SEC61B: variants seen among roughly 807,000 people sequenced by gnomAD.
The protein encoded by SEC61B is SEC61 translocon subunit beta.
Under a neutral mutation model 12.6 loss-of-function variants are expected in SEC61B, and 7 were observed. The observed-to-expected ratio is 0.55, with a 90% CI of 0.32 to 1.04. The LOEUF (loss-of-function observed/expected upper bound fraction) is 1.04. Among genes scored for constraint, SEC61B ranks in the 50% least tolerant of loss-of-function variants. The pLI is 0.05. For missense variants in SEC61B, 107 were observed against 130.1 expected, an observed-to-expected ratio of 0.82 and a Z score of 0.86; for synonymous variants, 54 against 50.1, an observed-to-expected ratio of 1.08 and a Z score of -0.33.
chr9:99,226,920 C>A (rs905396404), intron 2 of SEC61B, among the ~76,000 whole-genome samples: 1 of 151,988 alleles, frequency 6.6e-6, no homozygotes, highest in Non-Finnish European at 1.5e-5. Flanking sequence ...GTGTTCCCTG[C>A]GTTTTTTTTA....
rs756514195 is a variant in SEC61B at position 99,222,324 on chromosome 9, T to C, written c.-40T>C. On this transcript the variant is annotated 5_prime_UTR_variant, in exon 1 of 4. Coordinates refer to ENST00000223641, the MANE Select transcript of SEC61B (RefSeq NM_006808.3). ...GTCTTTCGGGGGCTCCGTAACTTTC[T>C]ATCCGTCCGCGTCAGCGCCTTGCCA... 6 of 1,614,024 alleles carry C rather than the reference T, an allele frequency of 3.7e-6. No individual in the cohort carries two copies. Among genetic ancestry groups the C allele is most frequent in the Non-Finnish European group, 3.4e-6 (4 of 1,180,020 alleles).
chr9:99,226,962 A>G (rs1588623034), intron 2 of SEC61B, among the ~76,000 whole-genome samples: 2 of 152,080 alleles, frequency 1.3e-5, no homozygotes, highest in South Asian at 2.1e-4. Flanking sequence ...ATCTGTGATC[A>G]CTATATTAAA....
At chr9:99,229,529 C>T (rs183873490) in intron 3 of SEC61B, among the ~76,000 whole-genome samples, 15 of 152,118 alleles carry the variant, frequency 9.9e-5, no homozygotes, top group African/African-American at 2.9e-4. Context: ...GTTTTTTGTA[C>T]AAGCAGAATC....
chr9:99,225,509 AC>A (rs1359318010), intron 2 of SEC61B, among the ~76,000 whole-genome samples: 1 of 152,202 alleles, frequency 6.6e-6, no homozygotes, highest in Non-Finnish European at 1.5e-5. Flanking sequence ...CAACAGAAGC[AC>A]CATGTTAGAA....
chr9:99,226,367 G>A (rs927582673), intron 2 of SEC61B, among the ~76,000 whole-genome samples: 5 of 152,240 alleles, frequency 3.3e-5, no homozygotes, highest in Non-Finnish European at 7.3e-5. Context: ...AAGGAGGCAT[G>A]AGGACCAGAA....
chr9:99,226,451 T>C (rs1828896701), intron 2 of SEC61B, among the ~76,000 whole-genome samples: 1 of 152,172 alleles, frequency 6.6e-6, no homozygotes, highest in Non-Finnish European at 1.5e-5. Flanking sequence ...GCCCTTCCCT[T>C]TTTCAAAAAT....
intron 1 of SEC61B, 33 bp from the exon 2 acceptor site, chr9:99,222,513 C>T (rs775640391): frequency 1.2e-6 from 2 of 1,601,962 alleles, no homozygotes; most frequent in South Asian, 1.1e-5. Flanking sequence ...GCCTGCCGCG[C>T]TCACCCGTCT....
intron 1 of SEC61B, 58 bp from the exon 2 acceptor site, chr9:99,222,488 G>A: frequency 6.2e-7 from 1 of 1,602,346 alleles, no homozygotes; most frequent in Non-Finnish European, 8.5e-7. Flanking sequence ...TGTCTAGGCC[G>A]GGGTTCTGGG....
At chr9:99,223,875 C>T (rs962484917) in intron 2 of SEC61B, among the ~76,000 whole-genome samples, 11 of 152,212 alleles carry the variant, frequency 7.2e-5, no homozygotes, top group Non-Finnish European at 1.3e-4. Context: ...TACTAGTTTT[C>T]CCTTTTGCCC....
intron 2 of SEC61B, among the ~76,000 whole-genome samples, chr9:99,224,712 G>A (rs2119016666): frequency 6.6e-6 from 1 of 152,320 alleles, no homozygotes; most frequent in Admixed American, 6.5e-5. Flanking sequence ...TGTATGTATT[G>A]AGAGACCTGA....
At chr9:99,228,651 G>A (rs1828927428) in intron 3 of SEC61B, among the ~76,000 whole-genome samples, 1 of 152,232 alleles carries the variant, frequency 6.6e-6, no homozygotes. Context: ...TTAGGTTCCA[G>A]AACACCACTG....
intron 2 of SEC61B, among the ~76,000 whole-genome samples, chr9:99,227,139 G>A (rs1486689383): frequency 6.6e-6 from 1 of 151,736 alleles, no homozygotes; most frequent in African/African-American, 2.4e-5. Flanking sequence ...GGTGGCGCAC[G>A]CCTGTAATCC....
Position 99,227,906 on chromosome 9 carries a change from G to A in SEC61B, c.109G>A (p.Ala37Thr), listed in dbSNP as rs1335760337. The A allele has an allele frequency of 1.2e-6, 2 of 1,613,608 alleles. No individual in the cohort carries two copies. Among genetic ancestry groups the A allele is most frequent in the African/African-American group, 2.7e-5 (2 of 74,876 alleles). The change falls in exon 3 of 4, where the codon GCC (alanine) becomes ACC (threonine). Residue 37 changes from alanine to threonine, a missense_variant. Coordinates refer to ENST00000223641, the MANE Select transcript of SEC61B (RefSeq NM_006808.3). ...AGSTVRQRKN[A>T]SCGTRSAGRT... The stretch of plus-strand genomic sequence containing the variant: ...CATTTTCCTCTCTTTCAGGAAAAAT[G>A]CCAGCTGTGGGACAAGGAGTGCAGG...
intron 2 of SEC61B, among the ~76,000 whole-genome samples, chr9:99,226,569 C>T (rs773466436): frequency 6.6e-6 from 1 of 152,158 alleles, no homozygotes; most frequent in Non-Finnish European, 1.5e-5. Flanking sequence ...CCCTCTCCTC[C>T]CCACTAGGAC....
intron 2 of SEC61B, among the ~76,000 whole-genome samples, chr9:99,227,025 T>G (rs1224544004): frequency 6.6e-6 from 1 of 152,004 alleles, no homozygotes; most frequent in Admixed American, 6.6e-5. Flanking sequence ...CCCAGCACTT[T>G]GGGAGGCCAA....
intron 2 of SEC61B, among the ~76,000 whole-genome samples, chr9:99,226,735 C>CGGTGACTG (rs1828901177): frequency 6.6e-6 from 1 of 152,120 alleles, no homozygotes; most frequent in South Asian, 2.1e-4. Context: ...TGGGGTTCCC[C>CGGTGACTG]GGTGACTGAG....
intron 2 of SEC61B, among the ~76,000 whole-genome samples, chr9:99,227,043 A>G (rs1317737782): frequency 3.9e-5 from 6 of 152,026 alleles, no homozygotes; most frequent in Admixed American, 3.9e-4. Flanking sequence ...CAAAGCAGGC[A>G]GATCATGAGG....
intron 2 of SEC61B, among the ~76,000 whole-genome samples, chr9:99,225,377 G>C (rs1357218005): frequency 2.6e-5 from 4 of 152,196 alleles, no homozygotes; most frequent in Non-Finnish European, 5.9e-5. Context: ...TAATACCTGA[G>C]TAGATACCTG....
At position 99,224,343 on chromosome 9, in the gene SEC61B, G is replaced by A. The variant is rs1274793589; in HGVS notation, c.101+1700G>A. Among the ~76,000 whole-genome samples, 6 of 152,286 alleles carry A rather than the reference G, an allele frequency of 3.9e-5. No homozygotes were observed. In the East Asian group the frequency reaches 9.6e-4, roughly 24 times the overall value. ...GTGGTTTAACTTATATGGGCTTTGAGTGCTGTCCCCTTCCCACCCTGGGTT... is the reference window on the plus strand; with the variant it reads ...GTGGTTTAACTTATATGGGCTTTGAATGCTGTCCCCTTCCCACCCTGGGTT... On this transcript the variant is annotated intron_variant, in intron 2 of 3. Transcript: ENST00000223641.
Sources: allele counts gnomAD v4.1 joint callset (sites outside exome capture counted in the v4.1 genomes callset), GRCh38; gene constraint gnomAD v4.1.1; transcripts MANE v1.5; gene names NCBI Gene and HGNC (gene_info 2026-07-23, HGNC 2026-07-21).